Variants in GSK3B observed in about 807,000 individuals in gnomAD.
The protein encoded by GSK3B is glycogen synthase kinase 3 beta.
A neutral mutation model predicts 56.4 loss-of-function variants in GSK3B; 15 were observed. The ratio of observed to expected loss-of-function variants is 0.27; its 90% confidence interval spans 0.18 to 0.41. The LOEUF (loss-of-function observed/expected upper bound fraction) is 0.41. GSK3B is among the 10% of genes least tolerant of loss of function. The probability of loss-of-function intolerance (pLI) is 1.00; values close to 1 mark genes in which losing one functional copy is unlikely to be tolerated. For missense variants in GSK3B, 300 were observed against 513.4 expected (o/e 0.58, Z 4.02); for synonymous variants, 181 against 188.9 (o/e 0.96, Z 0.34).
chr3:120,085,257 T>C (rs1423473616), intron 1 of GSK3B, among the ~76,000 whole-genome samples: 1 of 152,240 alleles, frequency 6.6e-6, no homozygotes, highest in Admixed American at 6.5e-5. Context: ...GTTGCTCTTC[T>C]ATATACATGT....
At chr3:120,016,535 CA>C (rs2057829279) in intron 1 of GSK3B, among the ~76,000 whole-genome samples, 1 of 152,124 alleles carries the variant, frequency 6.6e-6, no homozygotes, top group South Asian at 2.1e-4. Flanking sequence ...AGGACCATGT[CA>C]TAAATATAAG....
In GSK3B at chr3:119,912,717, A is replaced by G; in HGVS notation, c.702T>C (p.Tyr234=). Residue 234 remains tyrosine, a synonymous_variant, in exon 6 of 11, where the codon TAT becomes TAC. Transcript: ENST00000264235. Reference sequence around the variant, plus strand: ...ATTTGTACTTACCTATACTAGAGGTATAATCAGTGGCTCCAAAGATCAACT... The same window carrying G: ...ATTTGTACTTACCTATACTAGAGGTGTAATCAGTGGCTCCAAAGATCAACT... ...APELIFGATD[Y]TSSIDVWSAG... The G allele has an allele frequency of 6.8e-7, 1 of 1,479,860 alleles. No homozygotes were observed. Among genetic ancestry groups the G allele is most frequent in the Non-Finnish European group, 9.4e-7 (1 of 1,060,224 alleles). 91.7% of individuals were successfully genotyped at this position (1,479,860 alleles called of 1,614,324 possible).
In GSK3B at chr3:119,854,686, G is replaced by T. The variant is rs185171183; in HGVS notation, c.1096+8733C>A. Among the ~76,000 whole-genome samples, 21 of 152,324 alleles carry T rather than the reference G, an allele frequency of 1.4e-4. No individual in the cohort carries two copies. The South Asian group carries it at 4.3e-3, about 32-fold the overall frequency. ...TCCAGGAATTTATCCATTTCTTCTA[G>T]ATTTTCTAGTTTATTTGCGTAGAAG... On this transcript the variant is annotated intron_variant, in intron 9 of 10. Coordinates refer to ENST00000264235, the MANE Select transcript of GSK3B (RefSeq NM_001146156.2).
intron 2 of GSK3B, among the ~76,000 whole-genome samples, chr3:119,985,564 T>G (rs1421159313): frequency 2.6e-5 from 4 of 152,188 alleles, no homozygotes; most frequent in Non-Finnish European, 5.9e-5. Flanking sequence ...AGCCAAATCA[T>G]GAGTGAACTC....
chr3:120,050,536 A>G (rs2058140060), intron 1 of GSK3B, among the ~76,000 whole-genome samples: 1 of 152,216 alleles, frequency 6.6e-6, no homozygotes, highest in African/African-American at 2.4e-5. Flanking sequence ...GACTTGAAGA[A>G]TGACTACTGG....
chr3:120,094,084 C>T lies in GSK3B; in HGVS notation c.-650G>A. 8.8e-6 allele frequency: 2 copies of T among 227,718 alleles called. No individual in the cohort carries two copies. The highest frequency in any genetic ancestry group is 1.7e-5 in the Non-Finnish European group (2 of 114,402). The allele number at this position is 227,718 out of a possible 1,614,324, so 14.1% of individuals were successfully genotyped here. On this transcript the variant is annotated 5_prime_UTR_variant, in exon 1 of 11. Coordinates refer to ENST00000264235, the MANE Select transcript of GSK3B (RefSeq NM_001146156.2). Reference sequence around the variant, plus strand: ...GCTCCTCTCCTCATTGCGCCAGGAGCAGCTGCAGGCGGCGGCTGGATCCAG... The same window carrying T: ...GCTCCTCTCCTCATTGCGCCAGGAGTAGCTGCAGGCGGCGGCTGGATCCAG...
chr3:119,935,337 G>A (rs768950930), intron 3 of GSK3B, among the ~76,000 whole-genome samples: 1 of 152,112 alleles, frequency 6.6e-6, no homozygotes, highest in African/African-American at 2.4e-5. Flanking sequence ...GATAAAGAGA[G>A]AGGAAAAGAG....
At position 119,822,313 on chromosome 3, in the gene GSK3B, G is replaced by A. The variant is rs993696434; in HGVS notation, c.*4475C>T. 2.1e-5 allele frequency: 4 copies of A among 190,652 alleles called. No homozygotes were observed. The highest frequency in any genetic ancestry group is 3.3e-5 in the Non-Finnish European group (3 of 92,010). 11.8% of individuals were successfully genotyped at this position (190,652 alleles called of 1,614,324 possible). On this transcript the variant is annotated 3_prime_UTR_variant, in exon 11 of 11. Transcript: ENST00000264235. ...TTGTTTTTAAGATGGAAGTGGTCAC[G>A]CTAATTGGTATGTGTACAGGCCCAA... is the stretch of plus-strand genomic sequence containing the variant.
chr3:120,040,605 C>T (rs2058057939), intron 1 of GSK3B, among the ~76,000 whole-genome samples: 1 of 151,886 alleles, frequency 6.6e-6, no homozygotes, highest in South Asian at 2.1e-4. Context: ...AACTAGGACC[C>T]AACATGGGAA....
At chr3:120,087,359 C>T (rs968013317) in intron 1 of GSK3B, among the ~76,000 whole-genome samples, 4 of 152,072 alleles carry the variant, frequency 2.6e-5, no homozygotes, top group Admixed American at 6.6e-5. Context: ...AGTGAAACTC[C>T]GTCTCTACTA....
At chr3:119,951,722 C>T (rs970786926) in intron 2 of GSK3B, among the ~76,000 whole-genome samples, 6 of 151,956 alleles carry the variant, frequency 3.9e-5, no homozygotes, top group African/African-American at 1.5e-4. Context: ...GTGGGCAAAG[C>T]TGTTGGATTT....
intron 2 of GSK3B, among the ~76,000 whole-genome samples, chr3:119,962,425 C>A (rs528240181): frequency 6.7e-6 from 1 of 149,728 alleles, no homozygotes; most frequent in African/African-American, 2.5e-5. Context: ...CTATAACTAA[C>A]ACATCATACA....
intron 2 of GSK3B, among the ~76,000 whole-genome samples, chr3:119,979,807 T>A (rs952002393): frequency 6.6e-6 from 1 of 152,178 alleles, no homozygotes; most frequent in Non-Finnish European, 1.5e-5. Flanking sequence ...AAATCCCATT[T>A]TGGGGAAAAA....
At chr3:119,869,443 T>C (rs1324590862) in intron 8 of GSK3B, among the ~76,000 whole-genome samples, 1 of 152,114 alleles carries the variant, frequency 6.6e-6, no homozygotes, top group Non-Finnish European at 1.5e-5. Flanking sequence ...ATACACAAAC[T>C]GAATTCAGCT....
At chr3:120,000,320 T>C (rs1253874925) in intron 2 of GSK3B, among the ~76,000 whole-genome samples, 3 of 152,168 alleles carry the variant, frequency 2.0e-5, no homozygotes, top group African/African-American at 7.2e-5. Flanking sequence ...TAAGATGGCT[T>C]GACAATTTGA....
At chr3:119,952,626 G>A in intron 2 of GSK3B, among the ~76,000 whole-genome samples, 1 of 144,358 alleles carries the variant, frequency 6.9e-6, no homozygotes, top group African/African-American at 2.5e-5. Context: ...CATGAGAGGA[G>A]CAACAGAGAA....
intron 1 of GSK3B, among the ~76,000 whole-genome samples, chr3:120,035,296 G>A (rs909121316): frequency 7.9e-5 from 12 of 152,264 alleles, no homozygotes; most frequent in Admixed American, 5.2e-4. Context: ...ACTAGAAGCA[G>A]CAAGCGGGGA....
intron 10 of GSK3B, among the ~76,000 whole-genome samples, chr3:119,829,112 T>C (rs1371769202): frequency 2.0e-5 from 3 of 152,216 alleles, no homozygotes; most frequent in Non-Finnish European, 4.4e-5. Flanking sequence ...TCCTTAGATA[T>C]GCCCTGTTTA....
At chr3:119,859,511 C>T (rs1281013269) in intron 9 of GSK3B, among the ~76,000 whole-genome samples, 1 of 152,104 alleles carries the variant, frequency 6.6e-6, no homozygotes, top group Admixed American at 6.6e-5. Context: ...GAAATACAAA[C>T]TTTTGATGAG....
Sources: allele counts gnomAD v4.1 joint callset (sites outside exome capture counted in the v4.1 genomes callset), GRCh38; gene constraint gnomAD v4.1.1; transcripts MANE v1.5; gene names NCBI Gene and HGNC (gene_info 2026-07-23, HGNC 2026-07-21).